The following PYROXD1 variants were observed in gnomAD, a reference collection of about 807,000 sequenced individuals.
The protein encoded by PYROXD1 is tRNA ligase complex-associated NAD(P)H dehydrogenase PYROXD1.
Under a neutral mutation model 62.0 loss-of-function variants are expected in PYROXD1, and 42 were observed. That is an observed-to-expected ratio of 0.68 (90% CI 0.53 to 0.88). The LOEUF is 0.88. Ranked by LOEUF, PYROXD1 falls within the 40% of genes least tolerant of loss-of-function variation. The pLI is 0.00. For missense variants in PYROXD1, 493 were observed against 604.8 expected (o/e 0.82, Z 1.94); for synonymous variants, 170 against 206.4 (o/e 0.82, Z 1.51).
chr12:21,437,902 C>A, intron 1 of PYROXD1, 88 bp downstream of exon 1: 2 of 1,228,876 alleles, frequency 1.6e-6, no homozygotes, highest in Non-Finnish European at 2.2e-6. Flanking sequence ...CTCCCTTTTT[C>A]TTCTTCCGGG....
chr12:21,468,481 A>G lies in PYROXD1; in HGVS notation c.1255-25A>G, dbSNP rs377446449. The G allele has an allele frequency of 1.3e-4, 208 of 1,596,074 alleles. No individual in the cohort carries two copies. In the African/African-American group the frequency reaches 2.3e-3, roughly 17 times the overall value. ...CATTTTCTTTATGATACTCATGACA[A>G]TAACCTTTTTATCTCTAAATATAGG... On this transcript the variant is annotated intron_variant, in intron 11 of 11. Coordinates refer to ENST00000240651, the MANE Select transcript of PYROXD1 (RefSeq NM_024854.5).
intron 8 of PYROXD1, 25 bp downstream of exon 8, chr12:21,461,179 A>G (rs777653772): frequency 2.2e-6 from 3 of 1,391,578 alleles, no homozygotes; most frequent in South Asian, 1.6e-5. Flanking sequence ...AAGAAAAAAT[A>G]TATATAACCA....
Position 21,465,216 on chromosome 12 carries a change from C to G in PYROXD1, c.1117-2265C>G, listed in dbSNP as rs899335165. On this transcript the variant is annotated intron_variant, in intron 10 of 11. Coordinates refer to ENST00000240651, the MANE Select transcript of PYROXD1 (RefSeq NM_024854.5). ...GGGATGGCTGAGTCAAATGGTATTTCTAGTTCTAGATCCCTGAGGAATCGC... is the reference window on the plus strand; with the variant it reads ...GGGATGGCTGAGTCAAATGGTATTTGTAGTTCTAGATCCCTGAGGAATCGC... Among the ~76,000 whole-genome samples, 4 of 152,308 alleles carry G rather than the reference C, an allele frequency of 2.6e-5. No homozygotes were observed. In the East Asian group the frequency reaches 7.7e-4, roughly 29 times the overall value.
In PYROXD1 at chr12:21,469,961, G is replaced by A; in HGVS notation, c.*1207G>A. On this transcript the variant is annotated 3_prime_UTR_variant, in exon 12 of 12. Coordinates refer to ENST00000240651, the MANE Select transcript of PYROXD1 (RefSeq NM_024854.5). ...TATTCTCAAATATTTTACATTTAAAGGGTTTTACATAAAAATTTTTCCCTT... is the reference window on the plus strand; with the variant it reads ...TATTCTCAAATATTTTACATTTAAAAGGTTTTACATAAAAATTTTTCCCTT... 2.3e-6 allele frequency: 1 copy of A among 436,284 alleles called. No homozygotes were observed. The highest frequency in any genetic ancestry group is 3.9e-6 in the Non-Finnish European group (1 of 259,516). The allele number at this position is 436,284 out of a possible 1,614,324, so 27.0% of individuals were successfully genotyped here.
chr12:21,458,710 G>A (rs948848136), intron 7 of PYROXD1, among the ~76,000 whole-genome samples: 13 of 152,162 alleles, frequency 8.5e-5, no homozygotes, highest in African/African-American at 3.1e-4. Flanking sequence ...GAGAGACATA[G>A]GACAACAGCT....
At chr12:21,465,873 C>T (rs1222207170) in intron 10 of PYROXD1, among the ~76,000 whole-genome samples, 1 of 152,114 alleles carries the variant, frequency 6.6e-6, no homozygotes, top group Non-Finnish European at 1.5e-5. Context: ...CCCGTTTCAG[C>T]TTTCTACATA....
rs1942865726 is a variant in PYROXD1 at position 21,469,242 on chromosome 12, T to C, written c.*488T>C. ...CTCCTTTTTTGTTGAATTGTACTTCTGGTTTTATAACCTGAAATCATCTAC... is the reference window on the plus strand; with the variant it reads ...CTCCTTTTTTGTTGAATTGTACTTCCGGTTTTATAACCTGAAATCATCTAC... On this transcript the variant is annotated 3_prime_UTR_variant, in exon 12 of 12. Coordinates refer to ENST00000240651, the MANE Select transcript of PYROXD1 (RefSeq NM_024854.5). The C allele has an allele frequency of 6.4e-6, 1 of 156,468 alleles. No individual in the cohort carries two copies. The highest frequency in any genetic ancestry group is 1.4e-5 in the Non-Finnish European group (1 of 71,006). 9.7% of individuals were successfully genotyped at this position (156,468 alleles called of 1,614,324 possible).
Position 21,437,703 on chromosome 12 carries a change from T to C in PYROXD1, c.-28T>C, listed in dbSNP as rs370885062. The C allele has an allele frequency of 6.3e-5, 101 of 1,602,594 alleles. No individual in the cohort carries two copies. Among genetic ancestry groups the C allele is most frequent in the Non-Finnish European group, 8.4e-5 (99 of 1,175,130 alleles). On this transcript the variant is annotated 5_prime_UTR_variant, in exon 1 of 12. Transcript: ENST00000240651. ...AGAGTCCCGTTGCTCCGCCGCGATA[T>C]TCAGTAAACCACTGGGAGTCCGGCA...
At chr12:21,462,655 C>A in intron 9 of PYROXD1, 85 bp from the exon 10 acceptor site, 1 of 1,466,230 alleles carries the variant, frequency 6.8e-7, no homozygotes. Context: ...CAAAGTGTAA[C>A]AATTTAATTT....
At chr12:21,457,352 C>T (rs1942616508) in intron 7 of PYROXD1, among the ~76,000 whole-genome samples, 2 of 152,070 alleles carry the variant, frequency 1.3e-5, no homozygotes, top group African/African-American at 4.8e-5. Context: ...ATGAAAACAA[C>T]ATTCATCTCC....
rs774495032 is a variant in PYROXD1 at position 21,437,845 on chromosome 12, T to C, written c.84+31T>C. Reference sequence around the variant, plus strand: ...GCGGTGCTCAGGCGGTTCCGCCTCTTTCCCCGACCCCAAAGGGGATAGCAC... The same window carrying C: ...GCGGTGCTCAGGCGGTTCCGCCTCTCTCCCCGACCCCAAAGGGGATAGCAC... On this transcript the variant is annotated intron_variant, in intron 1 of 11. Coordinates refer to ENST00000240651, the MANE Select transcript of PYROXD1 (RefSeq NM_024854.5). 3.1e-6 allele frequency: 5 copies of C among 1,593,586 alleles called. No homozygotes were observed. The African/African-American group carries it at 6.7e-5, about 21-fold the overall frequency.
chr12:21,442,008 G>GA (rs1942304414), intron 2 of PYROXD1, among the ~76,000 whole-genome samples: 2 of 152,246 alleles, frequency 1.3e-5, no homozygotes, highest in African/African-American at 4.8e-5. Flanking sequence ...AGATTGCAGG[G>GA]ATCCTCAGCA....
chr12:21,470,873 G>C lies in PYROXD1; in HGVS notation c.*2119G>C. On this transcript the variant is annotated 3_prime_UTR_variant, in exon 12 of 12. Transcript: ENST00000240651. Reference sequence around the variant, plus strand: ...TAATCAGAAAACTGACTTTTCTCATGTTCAACTGGACCTAGGGGAATATGA... The same window carrying C: ...TAATCAGAAAACTGACTTTTCTCATCTTCAACTGGACCTAGGGGAATATGA... The C allele has an allele frequency of 1.2e-6, 1 of 868,024 alleles. No individual in the cohort carries two copies. Among genetic ancestry groups the C allele is most frequent in the Non-Finnish European group, 1.6e-6 (1 of 639,136 alleles). 53.8% of individuals were successfully genotyped at this position (868,024 alleles called of 1,614,324 possible). A position where few individuals can be genotyped will look rare whatever the true frequency, so the allele number is the denominator to read the frequency against.
rs753817551 is a variant in PYROXD1 at position 21,461,040 on chromosome 12, C to T, written c.766C>T (p.His256Tyr). The T allele has an allele frequency of 3.9e-6, 6 of 1,526,856 alleles. No homozygotes were observed. The highest frequency in any genetic ancestry group is 1.3e-5 in the South Asian group (1 of 77,162). 94.6% of individuals were successfully genotyped at this position (1,526,856 alleles called of 1,614,324 possible). Residue 256 changes from histidine to tyrosine, a missense_variant, in exon 8 of 12, where the codon CAC becomes TAC. Coordinates refer to ENST00000240651, the MANE Select transcript of PYROXD1 (RefSeq NM_024854.5). ...KGTKEFSHKI[H>Y]LETMCEVKKI... is the part of the protein sequence containing the mutation. Reference sequence around the variant, plus strand: ...TTAATTTTAGTTTTCTCATAAGATTCACCTTGAAACTATGTGTGAAGTAAA... The same window carrying T: ...TTAATTTTAGTTTTCTCATAAGATTTACCTTGAAACTATGTGTGAAGTAAA...
chr12:21,465,881 A>T (rs1942784427), intron 10 of PYROXD1, among the ~76,000 whole-genome samples: 1 of 152,182 alleles, frequency 6.6e-6, no homozygotes, highest in Non-Finnish European at 1.5e-5. Flanking sequence ...AGCTTTCTAC[A>T]TATGGCTAGC....
chr12:21,465,183 G>A (rs1038317135), intron 10 of PYROXD1, among the ~76,000 whole-genome samples: 2 of 152,086 alleles, frequency 1.3e-5, no homozygotes, highest in Non-Finnish European at 2.9e-5. Context: ...GGGTATATAC[G>A]CAGTACTGGG....
chr12:21,458,939 C>T (rs758300210), intron 7 of PYROXD1, among the ~76,000 whole-genome samples: 1 of 152,178 alleles, frequency 6.6e-6, no homozygotes, highest in Non-Finnish European at 1.5e-5. Context: ...GGAAAAATGG[C>T]ACTGATAAGA....
chr12:21,439,853 A>G (rs1942261465), intron 1 of PYROXD1, among the ~76,000 whole-genome samples: 1 of 152,230 alleles, frequency 6.6e-6, no homozygotes, highest in African/African-American at 2.4e-5. Context: ...AAATGGCTTT[A>G]TCGTCCCACA....
rs778917415 is a variant in PYROXD1, at chr12:21,471,037, T to G, written c.*2283T>G. On this transcript the variant is annotated 3_prime_UTR_variant, in exon 12 of 12. Transcript: ENST00000240651. Reference sequence around the variant, plus strand: ...GCATGTGCCTCATTGTTCAGAAGATTAGCTTTAGGTCCTATTTTCAAATAC... The same window carrying G: ...GCATGTGCCTCATTGTTCAGAAGATGAGCTTTAGGTCCTATTTTCAAATAC... 9 of 1,601,756 alleles carry G rather than the reference T, an allele frequency of 5.6e-6. No individual in the cohort carries two copies. Among genetic ancestry groups the G allele is most frequent in the Middle Eastern group, 1.7e-4 (1 of 6,006 alleles).
Sources: allele counts gnomAD v4.1 joint callset (sites outside exome capture counted in the v4.1 genomes callset), GRCh38; gene constraint gnomAD v4.1.1; transcripts MANE v1.5; gene names NCBI Gene and HGNC (gene_info 2026-07-23, HGNC 2026-07-21).